CDH13: variants seen among roughly 807,000 people sequenced by gnomAD.
CDH13 encodes the protein cadherin-13.
CDH13 carries 24 observed loss-of-function variants against 63.8 expected under a neutral mutation model. That is an observed-to-expected ratio of 0.38 (90% CI 0.27 to 0.53). The LOEUF is 0.53. CDH13 is among the 20% of genes least tolerant of loss of function. The pLI is 0.85. For synonymous variants in CDH13, 503 were observed against 355.3 expected, an observed-to-expected ratio of 1.42 and a Z score of -4.67; for missense variants, 1,049 against 903.1, an observed-to-expected ratio of 1.16 and a Z score of -2.07.
chr16:82,882,722 G>A (rs1022035272), intron 2 of CDH13, among the ~76,000 whole-genome samples: 1 of 150,798 alleles, frequency 6.6e-6, no homozygotes, highest in Non-Finnish European at 1.5e-5. Context: ...CTAACAGTAT[G>A]TATGTCTAAT....
chr16:82,792,627 C>G (rs1003999728), intron 1 of CDH13, among the ~76,000 whole-genome samples: 4 of 152,148 alleles, frequency 2.6e-5, no homozygotes, highest in Non-Finnish European at 5.9e-5. Flanking sequence ...ACTCTGAGGA[C>G]AAAGCCTGGT....
chr16:83,769,696 C>T (rs1914633079), intron 11 of CDH13, among the ~76,000 whole-genome samples: 1 of 152,142 alleles, frequency 6.6e-6, no homozygotes, highest in South Asian at 2.1e-4. Context: ...CCATGTCCTC[C>T]TGAGGCCACC....
chr16:83,630,074 G>T (rs1403268735), intron 8 of CDH13, among the ~76,000 whole-genome samples: 1 of 152,160 alleles, frequency 6.6e-6, no homozygotes, highest in East Asian at 1.9e-4. Context: ...TCTCGGGTTG[G>T]CAAACATCTA....
At chr16:83,510,235 G>A (rs992876796) in intron 7 of CDH13, among the ~76,000 whole-genome samples, 1 of 152,188 alleles carries the variant, frequency 6.6e-6, no homozygotes, top group Admixed American at 6.5e-5. Context: ...CATATTAGAA[G>A]TGATAGTTGG....
chr16:82,767,792 C>A (rs1567514104), intron 1 of CDH13, among the ~76,000 whole-genome samples: 1 of 152,286 alleles, frequency 6.6e-6, no homozygotes, highest in East Asian at 1.9e-4. Context: ...TTGATGTTGT[C>A]ATCAGTGATC....
At chr16:83,033,006 C>T (rs867435076) in intron 3 of CDH13, among the ~76,000 whole-genome samples, 1 of 150,848 alleles carries the variant, frequency 6.6e-6, no homozygotes, top group Middle Eastern at 3.4e-3. Flanking sequence ...GCACATATAC[C>T]ACATGTATGT....
At chr16:83,755,453 T>C (rs1471158402) in intron 11 of CDH13, among the ~76,000 whole-genome samples, 2 of 152,146 alleles carry the variant, frequency 1.3e-5, no homozygotes, top group African/African-American at 4.8e-5. Context: ...AATCAAAAAG[T>C]TTAGCAAACC....
intron 1 of CDH13, among the ~76,000 whole-genome samples, chr16:82,791,365 A>G (rs1412057034): frequency 6.6e-6 from 1 of 152,186 alleles, no homozygotes; most frequent in African/African-American, 2.4e-5. Flanking sequence ...TCACTAAAAT[A>G]CAAATTAGGC....
chr16:83,364,604 G>A (rs948463743), intron 6 of CDH13, among the ~76,000 whole-genome samples: 5 of 152,110 alleles, frequency 3.3e-5, no homozygotes, highest in African/African-American at 1.2e-4. Context: ...TGGCCCAGAG[G>A]AAAAATGGAG....
chr16:83,693,497 G>C (rs906106809), intron 10 of CDH13, among the ~76,000 whole-genome samples: 1 of 152,122 alleles, frequency 6.6e-6, no homozygotes, highest in African/African-American at 2.4e-5. Context: ...GCCAGCCCCG[G>C]GTACCTCACT....
chr16:83,306,538 A>C (rs2089883529), intron 5 of CDH13, among the ~76,000 whole-genome samples: 2 of 152,120 alleles, frequency 1.3e-5, no homozygotes, highest in East Asian at 3.9e-4. Context: ...CCTTGTTGTG[A>C]CAGCTCAAAA....
intron 1 of CDH13, among the ~76,000 whole-genome samples, chr16:82,761,017 C>CTTTTTTTTTTTTTTTTT (rs35038319): frequency 0.018 from 739 of 40,482 alleles, 209 homozygotes; most frequent in Non-Finnish European, 0.027. Flanking sequence ...TTCTTTCTTT[C>CTTTTTTTTTTTTTTTTT]TTTTTTTTTT....
chr16:83,343,281 T>C (rs372117584), intron 5 of CDH13, among the ~76,000 whole-genome samples: 23 of 152,338 alleles, frequency 1.5e-4, no homozygotes, highest in African/African-American at 5.1e-4. Flanking sequence ...CTCATGTTAT[T>C]TTGTGTATTT....
intron 5 of CDH13, among the ~76,000 whole-genome samples, chr16:83,283,486 G>T (rs2089234481): frequency 6.6e-6 from 1 of 152,170 alleles, no homozygotes; most frequent in Admixed American, 6.6e-5. Context: ...AACTACTTGG[G>T]AGGCTGAGAC....
At chr16:82,728,147 CACAT>C (rs1379526857) in intron 1 of CDH13, among the ~76,000 whole-genome samples, 1 of 152,124 alleles carries the variant, frequency 6.6e-6, no homozygotes, top group Non-Finnish European at 1.5e-5. Context: ...GAGAGCTTGA[CACAT>C]ACAAAGCACT....
intron 13 of CDH13, among the ~76,000 whole-genome samples, chr16:83,793,397 C>A (rs191882545): frequency 1.3e-5 from 2 of 152,212 alleles, no homozygotes; most frequent in African/African-American, 4.8e-5. Flanking sequence ...AGACTCCACA[C>A]TGGAGCCAGC....
chr16:83,277,599 T>C (rs934767243), intron 5 of CDH13, among the ~76,000 whole-genome samples: 1 of 152,148 alleles, frequency 6.6e-6, no homozygotes, highest in African/African-American at 2.4e-5. Flanking sequence ...TTCATCCCTC[T>C]CATATCTCAT....
chr16:83,774,975 C>G (rs755655240), intron 11 of CDH13, among the ~76,000 whole-genome samples: 1 of 149,510 alleles, frequency 6.7e-6, no homozygotes. Context: ...AAAAGAACAG[C>G]TCATAAGAAG....
At chr16:82,831,830 C>G (rs1333744146) in intron 1 of CDH13, among the ~76,000 whole-genome samples, 2 of 152,172 alleles carry the variant, frequency 1.3e-5, no homozygotes, top group African/African-American at 4.8e-5. Context: ...AAGGGCAAAA[C>G]AGACCCAAGA....
Sources: gnomAD v4.1 joint callset for allele counts (sites outside exome capture counted in the v4.1 genomes callset) on GRCh38, gnomAD v4.1.1 for gene constraint, MANE v1.5 for transcripts, NCBI Gene and HGNC (gene_info 2026-07-23, HGNC 2026-07-21) for gene names.